CD163L1: variants seen among roughly 807,000 people sequenced by gnomAD.
CD163L1 encodes the protein scavenger receptor cysteine-rich type 1 protein M160.
Under a neutral mutation model 165.4 loss-of-function variants are expected in CD163L1, and 124 were observed. The observed-to-expected ratio is 0.75, with a 90% CI of 0.65 to 0.87. The LOEUF (loss-of-function observed/expected upper bound fraction) is 0.87. Among genes scored for constraint, CD163L1 ranks in the 40% least tolerant of loss-of-function variants. The pLI, the probability that CD163L1 is intolerant of heterozygous loss-of-function variation, is 0.00. For synonymous variants in CD163L1, 585 were observed against 662.2 expected, an observed-to-expected ratio of 0.88 and a Z score of 1.79; for missense variants, 1,525 against 1,799.9, an observed-to-expected ratio of 0.85 and a Z score of 2.76.
At chr12:7,436,416 A>G (rs1948713166) in intron 2 of CD163L1, among the ~76,000 whole-genome samples, 1 of 152,228 alleles carries the variant, frequency 6.6e-6, no homozygotes. Flanking sequence ...AAAATTGCAC[A>G]AATAAAGCAT....
intron 4 of CD163L1, among the ~76,000 whole-genome samples, chr12:7,422,138 C>T (rs1431783924): frequency 6.6e-6 from 1 of 152,058 alleles, no homozygotes; most frequent in Non-Finnish European, 1.5e-5. Flanking sequence ...CTGGTGATAA[C>T]TAGGCAAATA....
rs1198163128 is a variant in CD163L1, at chr12:7,400,332, A to G, written c.1409-1748T>C. Among the ~76,000 whole-genome samples the G allele has an allele frequency of 6.6e-6, 1 of 152,226 alleles. No homozygotes were observed. The highest frequency in any genetic ancestry group is 1.5e-5 in the Non-Finnish European group (1 of 68,042). On this transcript the variant is annotated intron_variant, in intron 6 of 19. Transcript: ENST00000313599. This position sits in a 1 kb window ranked among gnomAD's most constrained non-coding sequence, Gnocchi z 4.1. ...ATGAACAGATATATGACGCATGTAT[A>G]TATAATATGTATCATTTCCAGATAT...
chr12:7,406,651 A>T lies in CD163L1; in HGVS notation c.968T>A (p.Val323Asp). 6.2e-7 allele frequency: 1 copy of T among 1,614,140 alleles called. No homozygotes were observed. The highest frequency in any genetic ancestry group is 8.5e-7 in the Non-Finnish European group (1 of 1,180,000). ...GLPHLQSGSD[V>D]VWLDGVSCSG... is the part of the protein sequence containing the mutation. ...GCAGGAGACACCATCAAGCCATACA[A>T]CATCAGACCCTGACTGCAAATGAGG... The change falls in exon 5 of 20, where the codon GTT becomes GAT. Residue 323 changes from valine (V) to aspartate (D), a missense_variant. Transcript: ENST00000313599.
At chr12:7,423,403 C>T (rs765507771) in intron 4 of CD163L1, among the ~76,000 whole-genome samples, 27 of 152,172 alleles carry the variant, frequency 1.8e-4, no homozygotes, top group African/African-American at 5.5e-4. Context: ...GACACCCTAA[C>T]ATCACAATTA....
At chr12:7,430,686 T>C (rs895120113) in intron 4 of CD163L1, among the ~76,000 whole-genome samples, 1 of 152,060 alleles carries the variant, frequency 6.6e-6, no homozygotes, top group Non-Finnish European at 1.5e-5. Flanking sequence ...TCATAGCATA[T>C]GAATAGGATA....
chr12:7,322,497 C>A, the CD163L1 span: 1 of 1,613,838 alleles, frequency 6.2e-7, no homozygotes, highest in South Asian at 1.1e-5. Context: ...GTGGAGGGTG[C>A]AAACTGGGCT....
intron 4 of CD163L1, among the ~76,000 whole-genome samples, chr12:7,418,960 T>A (rs1178281437): frequency 6.6e-6 from 1 of 152,026 alleles, no homozygotes; most frequent in Admixed American, 6.6e-5. Flanking sequence ...CAAAGAAGAA[T>A]TGATACCAAT....
chr12:7,383,033 T>A (rs1565785920), intron 8 of CD163L1, among the ~76,000 whole-genome samples: 1 of 152,158 alleles, frequency 6.6e-6, no homozygotes, highest in Non-Finnish European at 1.5e-5. Context: ...GGGGTCACTA[T>A]CACTGATAGC....
chr12:7,419,547 T>C (rs777507124), intron 4 of CD163L1, among the ~76,000 whole-genome samples: 1 of 151,966 alleles, frequency 6.6e-6, no homozygotes, highest in East Asian at 1.9e-4. Context: ...GCATCCAAAT[T>C]AGTAAAGAGA....
At chr12:7,416,525 T>C (rs893541656) in intron 4 of CD163L1, among the ~76,000 whole-genome samples, 1 of 152,222 alleles carries the variant, frequency 6.6e-6, no homozygotes, top group Admixed American at 6.5e-5. Flanking sequence ...TTGCCTAGGT[T>C]TTCTTCTAGG....
rs1302376204 is a variant in CD163L1, at chr12:7,375,988, C to T, written c.2398G>A (p.Ala800Thr). 6.2e-7 allele frequency: 1 copy of T among 1,614,054 alleles called. No individual in the cohort carries two copies. The highest frequency in any genetic ancestry group is 1.7e-5 in the Admixed American group (1 of 60,018). Residue 800 changes from alanine (A) to threonine (T), a missense_variant, in exon 10 of 20, where the codon GCT becomes ACT. By Grantham distance (58) the Ala-to-Thr change is moderately conservative. Transcript: ENST00000313599. ...ACACGTCCAGAGCAGGGCATATCAG[C>T]TCCAACCAGCCTGGGCTGCCTGTGG... ...SAHRQPRLVG[A>T]DMPCSGRVEV...
chr12:7,433,366 A>C lies in CD163L1; in HGVS notation c.445+8T>G. 3 of 1,573,482 alleles carry C rather than the reference A, an allele frequency of 1.9e-6. No individual in the cohort carries two copies. Among genetic ancestry groups the C allele is most frequent in the Non-Finnish European group, 1.7e-6 (2 of 1,158,236 alleles). ...TACCTTGCCTTCCTACTCTAGTTAG[A>C]CTCTTACCATAACAGTTCACACCAA... On this transcript the variant is annotated splice_region_variant and intron_variant, in intron 3 of 19. Transcript: ENST00000313599.
chr12:7,431,498 AT>A (rs1644827762), intron 4 of CD163L1, among the ~76,000 whole-genome samples: 1 of 151,946 alleles, frequency 6.6e-6, no homozygotes, highest in Admixed American at 6.6e-5. Flanking sequence ...TGGTGATGTA[AT>A]GAATATAGTG....
At chr12:7,418,112 T>C (rs1351473167) in intron 4 of CD163L1, among the ~76,000 whole-genome samples, 1 of 152,014 alleles carries the variant, frequency 6.6e-6, no homozygotes, top group Non-Finnish European at 1.5e-5. Flanking sequence ...GAATATTCTC[T>C]AAAATAGACT....
chr12:7,329,022 ACT>A, the CD163L1 span, among the ~76,000 whole-genome samples: 8 of 147,892 alleles, frequency 5.4e-5, no homozygotes, highest in East Asian at 2.0e-4. Context: ...ATCTGTATTA[ACT>A]CTGCAATACT....
chr12:7,338,424 T>C, the CD163L1 span, among the ~76,000 whole-genome samples: 1 of 152,210 alleles, frequency 6.6e-6, no homozygotes, highest in East Asian at 1.9e-4. Flanking sequence ...AATAAGCATG[T>C]TAAGACAGGG....
chr12:7,399,033 A>G (rs989454536), intron 6 of CD163L1, among the ~76,000 whole-genome samples: 1 of 152,206 alleles, frequency 6.6e-6, no homozygotes. Context: ...AGGCATATGT[A>G]TATGAAACTG....
At chr12:7,342,452 G>C (rs1430869013), downstream of CD163L1, among the ~76,000 whole-genome samples, 1 of 152,166 alleles carries the variant, frequency 6.6e-6, no homozygotes, top group Non-Finnish European at 1.5e-5. Context: ...TCACAGGCTT[G>C]CTGTTAATAA....
At chr12:7,437,891 A>G (rs944485263) in intron 2 of CD163L1, among the ~76,000 whole-genome samples, 4 of 151,336 alleles carry the variant, frequency 2.6e-5, no homozygotes, top group African/African-American at 4.8e-5. Flanking sequence ...TAGGAATTTT[A>G]TTATTATAAA....
Sources: gnomAD v4.1 joint callset for allele counts (sites outside exome capture counted in the v4.1 genomes callset) on GRCh38, gnomAD v4.1.1 for gene constraint, Gnocchi (gnomAD v3.1) non-coding constraint, MANE v1.5 for transcripts, NCBI Gene and HGNC (gene_info 2026-07-23, HGNC 2026-07-21) for gene names.